Variants in PIK3IP1 observed in about 807,000 individuals in gnomAD.
The protein encoded by PIK3IP1 is phosphoinositide-3-kinase interacting protein 1.
PIK3IP1 carries 28 observed loss-of-function variants against 30.7 expected under a neutral mutation model. The observed-to-expected ratio is 0.91, with a 90% CI of 0.68 to 1.25. PIK3IP1 has a LOEUF of 1.25. PIK3IP1 is among the 50% of genes most tolerant of loss of function. PIK3IP1 has a pLI of 0.00. For synonymous variants in PIK3IP1, 159 were observed against 140.8 expected, an observed-to-expected ratio of 1.13 and a Z score of -0.91; for missense variants, 333 against 346.2, an observed-to-expected ratio of 0.96 and a Z score of 0.30.
chr22:31,283,534 C>T (rs1352026200), intron 5 of PIK3IP1, among the ~76,000 whole-genome samples: 6 of 151,904 alleles, frequency 3.9e-5, no homozygotes, highest in Non-Finnish European at 7.4e-5. Context: ...AGGGTGACAG[C>T]AGTATGGACT....
At chr22:31,289,457 TTGA>T (rs2049156454) in intron 4 of PIK3IP1, 39 bp downstream of exon 4, 1 of 1,556,450 alleles carries the variant, frequency 6.4e-7, no homozygotes, top group East Asian at 2.3e-5. Context: ...ATGACATCTC[TTGA>T]TGAATCCCAA....
chr22:31,283,285 C>A lies in PIK3IP1; in HGVS notation c.591G>T (p.Gly197=). Residue 197 remains glycine, a synonymous_variant, in exon 6 of 6, where the codon GGG becomes GGT. Coordinates refer to ENST00000215912, the MANE Select transcript of PIK3IP1 (RefSeq NM_052880.5). The part of the protein sequence containing the change: ...GIILGYSYKR[G]KDLKEQHDQK... The stretch of plus-strand genomic sequence containing the variant: ...GATCATGCTGTTCTTTCAAATCCTT[C>A]CCCCTGGCAGGAAAAAAACAAACAA... The A allele has an allele frequency of 6.2e-7, 1 of 1,607,096 alleles. No individual in the cohort carries two copies. The highest frequency in any genetic ancestry group is 8.5e-7 in the Non-Finnish European group (1 of 1,179,556).
At position 31,282,738 on chromosome 22, in the gene PIK3IP1, C is replaced by T. The variant is rs2049099035; in HGVS notation, c.*346G>A. The T allele has an allele frequency of 3.6e-6, 1 of 274,482 alleles. No individual in the cohort carries two copies. The highest frequency in any genetic ancestry group is 2.1e-5 in the African/African-American group (1 of 47,016). The allele number at this position is 274,482 out of a possible 1,614,324, so 17.0% of individuals were successfully genotyped here. Reference sequence around the variant, plus strand: ...GGAGACTGAGGCCATCTTAGTAAAGCACAGAGGAGCCTGGGGGAGCTCCCC... The same window carrying T: ...GGAGACTGAGGCCATCTTAGTAAAGTACAGAGGAGCCTGGGGGAGCTCCCC... On this transcript the variant is annotated 3_prime_UTR_variant, in exon 6 of 6. Coordinates refer to ENST00000215912, the MANE Select transcript of PIK3IP1 (RefSeq NM_052880.5).
chr22:31,290,975 C>A lies in PIK3IP1; in HGVS notation c.297G>T (p.Leu99=). The change falls in exon 3 of 6, where the codon CTG becomes CTT. Residue 99 remains leucine, a synonymous_variant. Coordinates refer to ENST00000215912, the MANE Select transcript of PIK3IP1 (RefSeq NM_052880.5). The part of the protein sequence containing the change: ...GVPEKRPCED[L]RCPETTSQAL... The stretch of plus-strand genomic sequence containing the variant: ...GTCCCGGGCAGGTACCTGGACAGCG[C>A]AGGTCCTCGCAAGGCCGTTTCTCAG... 2 of 1,604,814 alleles carry A rather than the reference C, an allele frequency of 1.2e-6. No homozygotes were observed. The highest frequency in any genetic ancestry group is 1.7e-6 in the Non-Finnish European group (2 of 1,176,740).
At position 31,291,201 on chromosome 22, in the gene PIK3IP1, G is replaced by A. The variant is rs2049175469; in HGVS notation, c.166C>T (p.Leu56=). ...CLNWLDAQSG[L]ASAPVSGAGN... ...TTACCCGACACGGGGGCCGAGGCCAGCCCGCTCTGCGCGTCCAGCCAGTTG... is the reference window on the plus strand; with the variant it reads ...TTACCCGACACGGGGGCCGAGGCCAACCCGCTCTGCGCGTCCAGCCAGTTG... Residue 56 remains leucine (L), a synonymous_variant, in exon 2 of 6, where the codon CTG becomes TTG. Transcript: ENST00000215912. 2 of 1,548,836 alleles carry A rather than the reference G, an allele frequency of 1.3e-6. No homozygotes were observed. Among genetic ancestry groups the A allele is most frequent in the African/African-American group, 2.7e-5 (2 of 72,890 alleles).
In PIK3IP1 at chr22:31,291,217, C is replaced by T. The variant is rs912953018; in HGVS notation, c.150G>A (p.Leu50=). 1 of 1,549,882 alleles carries T rather than the reference C, an allele frequency of 6.5e-7. No individual in the cohort carries two copies. The highest frequency in any genetic ancestry group is 8.7e-7 in the Non-Finnish European group (1 of 1,146,744). ...CCGAGGCCAGCCCGCTCTGCGCGTC[C>T]AGCCAGTTGAGGCAGCGGAGGCCCG... ...PAPGLRCLNW[L]DAQSGLASAP... Residue 50 remains leucine (L), a synonymous_variant, in exon 2 of 6, where the codon CTG becomes CTA. Coordinates refer to ENST00000215912, the MANE Select transcript of PIK3IP1 (RefSeq NM_052880.5).
chr22:31,291,323 C>CA (rs2123893437), intron 1 of PIK3IP1, 27 bp from the exon 2 acceptor site: 1 of 1,549,902 alleles, frequency 6.5e-7, no homozygotes, highest in Middle Eastern at 1.7e-4. Context: ...CCCCCGGACA[C>CA]AGAATAGCGG....
intron 5 of PIK3IP1, among the ~76,000 whole-genome samples, chr22:31,285,190 T>C (rs1262318619): frequency 6.6e-6 from 1 of 152,232 alleles, no homozygotes; most frequent in African/African-American, 2.4e-5. Context: ...GAGGCAGTGC[T>C]GTGCCACACT....
intron 1 of PIK3IP1, 24 bp downstream of exon 1, chr22:31,292,251 G>A: frequency 6.2e-7 from 1 of 1,610,846 alleles, no homozygotes. Flanking sequence ...AAGTTGCTGC[G>A]GAAAGGAAAG....
rs1287966334 is a variant in PIK3IP1 at position 31,289,712 on chromosome 22, T to G, written c.308-13A>C. The G allele has an allele frequency of 1.3e-6, 2 of 1,551,670 alleles. No homozygotes were observed. The highest frequency in any genetic ancestry group is 8.7e-7 in the Non-Finnish European group (1 of 1,146,992). ...TGGGAGGTGGTCTCTGGAGATGAGGTGGGAAACAGCTCTCATCAGGGACTG... is the reference window on the plus strand; with the variant it reads ...TGGGAGGTGGTCTCTGGAGATGAGGGGGGAAACAGCTCTCATCAGGGACTG... On this transcript the variant is annotated splice_polypyrimidine_tract_variant and intron_variant, in intron 3 of 5. Transcript: ENST00000215912.
At chr22:31,288,848 G>C (rs373469279) in intron 5 of PIK3IP1, among the ~76,000 whole-genome samples, 2 of 152,198 alleles carry the variant, frequency 1.3e-5, no homozygotes, top group East Asian at 3.8e-4. Flanking sequence ...AGCCTCAACT[G>C]CAACAGTGGC....
chr22:31,282,974 G>T lies in PIK3IP1; in HGVS notation c.*110C>A. 1.2e-6 allele frequency: 1 copy of T among 823,900 alleles called. No homozygotes were observed. The highest frequency in any genetic ancestry group is 1.9e-6 in the Non-Finnish European group (1 of 535,248). The allele number at this position is 823,900 out of a possible 1,614,324, so 51.0% of individuals were successfully genotyped here. A position where few individuals can be genotyped will look rare whatever the true frequency, so the allele number is the denominator to read the frequency against. Reference sequence around the variant, plus strand: ...CTTACTAGGATTCGCCAAAAAAGCGGGGGAGTGGTAGGGTTTTAACCAGAA... The same window carrying T: ...CTTACTAGGATTCGCCAAAAAAGCGTGGGAGTGGTAGGGTTTTAACCAGAA... On this transcript the variant is annotated 3_prime_UTR_variant, in exon 6 of 6. Coordinates refer to ENST00000215912, the MANE Select transcript of PIK3IP1 (RefSeq NM_052880.5).
At chr22:31,292,254 A>T (rs2049186303) in intron 1 of PIK3IP1, 21 bp downstream of exon 1, 1 of 1,612,008 alleles carries the variant, frequency 6.2e-7, no homozygotes, top group African/African-American at 1.3e-5. Flanking sequence ...TTGCTGCGGA[A>T]AGGAAAGATT....
chr22:31,283,920 T>G (rs1269588512), intron 5 of PIK3IP1, among the ~76,000 whole-genome samples: 2 of 152,142 alleles, frequency 1.3e-5, no homozygotes, highest in East Asian at 3.8e-4. Context: ...CTTTTTTTTT[T>G]GGAGATGGAG....
intron 3 of PIK3IP1, 81 bp downstream of exon 3, chr22:31,290,884 C>T: frequency 6.9e-7 from 1 of 1,451,332 alleles, no homozygotes; most frequent in Non-Finnish European, 9.0e-7. Context: ...CGGCATCGCG[C>T]GGCCGCACGT....
At chr22:31,289,731 G>C in intron 3 of PIK3IP1, 32 bp from the exon 4 acceptor site, 2 of 1,550,288 alleles carry the variant, frequency 1.3e-6, no homozygotes, top group Non-Finnish European at 1.7e-6. Flanking sequence ...GCTCTCATCA[G>C]GGACTGCCCT....
intron 1 of PIK3IP1, 68 bp downstream of exon 1, chr22:31,292,207 G>A: frequency 6.7e-7 from 1 of 1,487,188 alleles, no homozygotes; most frequent in South Asian, 1.1e-5. Flanking sequence ...GGCCCTGTTT[G>A]GGAAATAGGG....
chr22:31,285,132 C>G (rs1017771310), intron 5 of PIK3IP1, among the ~76,000 whole-genome samples: 1 of 152,160 alleles, frequency 6.6e-6, no homozygotes, highest in Non-Finnish European at 1.5e-5. Context: ...TCAGACTACA[C>G]AGGTCGTCTT....
chr22:31,283,393 CACA>C, intron 5 of PIK3IP1, 105 bp from the exon 6 acceptor site: 1 of 1,217,650 alleles, frequency 8.2e-7, no homozygotes, highest in Non-Finnish European at 1.2e-6. Context: ...TTGCCATTGT[CACA>C]ACAAATCAGT....
Sources: allele counts gnomAD v4.1 joint callset (sites outside exome capture counted in the v4.1 genomes callset), GRCh38; gene constraint gnomAD v4.1.1; transcripts MANE v1.5; gene names NCBI Gene and HGNC (gene_info 2026-07-23, HGNC 2026-07-21).